The following PPM1B variants were observed in gnomAD, a reference collection of about 807,000 sequenced individuals.
PPM1B encodes protein phosphatase, Mg2+/Mn2+ dependent 1B, also known as protein phosphatase 1B.
A neutral mutation model predicts 43.0 loss-of-function variants in PPM1B; 22 were observed. The observed-to-expected ratio is 0.51, with a 90% confidence interval of 0.37 to 0.73. The LOEUF (loss-of-function observed/expected upper bound fraction) is 0.73, where lower values mean the gene tolerates loss of function less well. Among genes scored for constraint, PPM1B ranks in the 30% least tolerant of loss-of-function variants. The probability of loss-of-function intolerance (pLI) is 0.00; values close to 1 mark genes in which losing one functional copy is unlikely to be tolerated. For missense variants in PPM1B, 632 were observed against 584.2 expected, an observed-to-expected ratio of 1.08 and a Z score of -0.84; for synonymous variants, 217 against 197.9, an observed-to-expected ratio of 1.10 and a Z score of -0.81.
intron 2 of PPM1B, among the ~76,000 whole-genome samples, chr2:44,208,091 TGTTA>T (rs1669280287): frequency 6.6e-6 from 1 of 151,610 alleles, no homozygotes; most frequent in South Asian, 2.1e-4. Flanking sequence ...GGTTTCACCA[TGTTA>T]GTCAGGCTGG....
At chr2:44,203,938 A>G (rs1329981206) in intron 2 of PPM1B, among the ~76,000 whole-genome samples, 1 of 152,166 alleles carries the variant, frequency 6.6e-6, no homozygotes, top group Non-Finnish European at 1.5e-5. Context: ...GTATATCTTC[A>G]CTTGCTAGCT....
chr2:44,189,388 G>A (rs1337810350), intron 1 of PPM1B, among the ~76,000 whole-genome samples: 2 of 152,146 alleles, frequency 1.3e-5, no homozygotes, highest in Non-Finnish European at 2.9e-5. Context: ...ATCTGTGAAC[G>A]TACTATGAGT....
At chr2:44,193,089 A>G (rs1394788498) in intron 1 of PPM1B, among the ~76,000 whole-genome samples, 2 of 152,246 alleles carry the variant, frequency 1.3e-5, no homozygotes, top group African/African-American at 2.4e-5. Flanking sequence ...ATATACCCAG[A>G]AGTGGGATTG....
downstream of PPM1B, chr2:44,234,651 C>G (rs762954657): frequency 1.3e-4 from 123 of 979,472 alleles, no homozygotes; most frequent in Non-Finnish European, 1.5e-4. Context: ...TCTGAATTTC[C>G]TAGCCTGGCT....
chr2:44,214,748 A>T (rs1669643530), intron 3 of PPM1B, among the ~76,000 whole-genome samples: 1 of 152,166 alleles, frequency 6.6e-6, no homozygotes. Context: ...ACTGAGCAGG[A>T]TTCTCATTCA....
At chr2:44,202,101 G>C (rs886881668) in intron 2 of PPM1B, 56 bp downstream of exon 2, 24 of 1,424,940 alleles carry the variant, frequency 1.7e-5, no homozygotes, top group Non-Finnish European at 1.8e-5. Flanking sequence ...AGTTACGGTA[G>C]GTAAAGTTAA....
At chr2:44,187,346 G>A (rs182777047) in intron 1 of PPM1B, among the ~76,000 whole-genome samples, 1 of 152,302 alleles carries the variant, frequency 6.6e-6, no homozygotes, top group Admixed American at 6.5e-5. Context: ...CCTCTTGGCT[G>A]TTATGCATAA....
At chr2:44,208,582 C>T (rs1340969821) in intron 2 of PPM1B, among the ~76,000 whole-genome samples, 2 of 151,978 alleles carry the variant, frequency 1.3e-5, no homozygotes, top group Non-Finnish European at 2.9e-5. Context: ...GCCTGGTGGC[C>T]GTCACCTGTA....
At chr2:44,174,976 T>G (rs1469862235) in intron 1 of PPM1B, among the ~76,000 whole-genome samples, 1 of 152,154 alleles carries the variant, frequency 6.6e-6, no homozygotes, top group Non-Finnish European at 1.5e-5. Flanking sequence ...AGGACATGAC[T>G]GGGCCTGGTG....
In PPM1B at chr2:44,195,510, C is replaced by T. The variant is rs371446704; in HGVS notation, c.-14-5676C>T. Among the ~76,000 whole-genome samples, 13 of 152,198 alleles carry T rather than the reference C, an allele frequency of 8.5e-5. No individual in the cohort carries two copies. The East Asian group carries it at 1.7e-3, about 20-fold the overall frequency. On this transcript the variant is annotated intron_variant, in intron 1 of 5. Transcript: ENST00000282412. ...CCAGGCATGAGCCACCATGCCCAGC[C>T]CAGACATGTATTAAAACTACCAAAC...
At chr2:44,171,829 CAAAA>C (rs58214419) in intron 1 of PPM1B, among the ~76,000 whole-genome samples, 7 of 118,770 alleles carry the variant, frequency 5.9e-5, no homozygotes, top group South Asian at 2.6e-4. Context: ...GACTCTGTCT[CAAAA>C]AAAAAAAAAA....
chr2:44,246,213 A>C (rs1670851389), downstream of PPM1B, among the ~76,000 whole-genome samples: 1 of 152,110 alleles, frequency 6.6e-6, no homozygotes, highest in Admixed American at 6.6e-5. Flanking sequence ...ATTCTCATTA[A>C]TACTTTTCTG....
chr2:44,169,055 G>T lies in PPM1B; in HGVS notation c.-234G>T. On this transcript the variant is annotated 5_prime_UTR_variant, in exon 1 of 6. Transcript: ENST00000282412. ...AGGCTGCGGCGGAGGAGGTGGCGGC[G>T]GCCGAATCGGCAACGGCGCTAGGGT... The T allele has an allele frequency of 5.9e-6, 1 of 168,178 alleles. No homozygotes were observed. The highest frequency in any genetic ancestry group is 1.3e-5 in the Non-Finnish European group (1 of 78,010). 10.4% of individuals were successfully genotyped at this position (168,178 alleles called of 1,614,324 possible).
intron 1 of PPM1B, among the ~76,000 whole-genome samples, chr2:44,173,383 A>T (rs1053840038): frequency 6.6e-6 from 1 of 152,150 alleles, no homozygotes; most frequent in East Asian, 1.9e-4. Context: ...TAACTTATAT[A>T]CTTTTTTTCT....
At chr2:44,186,886 C>T (rs1668150747) in intron 1 of PPM1B, among the ~76,000 whole-genome samples, 2 of 152,064 alleles carry the variant, frequency 1.3e-5, no homozygotes, top group Admixed American at 6.5e-5. Flanking sequence ...AATTGTAGTA[C>T]AAAAAGCACA....
Position 44,241,160 on chromosome 2 carries a change from C to T in PPM1B, n.1547-3068C>T, listed in dbSNP as rs536259974. On this transcript the variant is annotated intron_variant and non_coding_transcript_variant, in intron 5 of 5. Transcript: ENST00000378540. Reference sequence around the variant, plus strand: ...CTGGGATTACAGGAATGCGTCACCACGCCCGGCTGATTTTGTATTTTCAGT... The same window carrying T: ...CTGGGATTACAGGAATGCGTCACCATGCCCGGCTGATTTTGTATTTTCAGT... Among the ~76,000 whole-genome samples the T allele has an allele frequency of 6.9e-4, 99 of 143,594 alleles. 9 individuals carry two copies. The highest frequency in any genetic ancestry group is 4.8e-3 in the Admixed American group (70 of 14,468). The allele number at this position is 143,594 out of a possible 152,430, so 94.2% of individuals were successfully genotyped here. A position where few individuals can be genotyped will look rare whatever the true frequency, so the allele number is the denominator to read the frequency against.
chr2:44,210,370 C>T (rs1384547274), intron 3 of PPM1B, among the ~76,000 whole-genome samples: 3 of 152,044 alleles, frequency 2.0e-5, no homozygotes, highest in Non-Finnish European at 2.9e-5. Context: ...AGGCACGTGC[C>T]ACCACAGCTG....
In PPM1B at chr2:44,201,714, G is replaced by A. The variant is rs768710585; in HGVS notation, c.515G>A (p.Cys172Tyr). The A allele has an allele frequency of 2.5e-6, 4 of 1,614,192 alleles. No individual in the cohort carries two copies. Among genetic ancestry groups the A allele is most frequent in the Non-Finnish European group, 3.4e-6 (4 of 1,180,020 alleles). Residue 172 changes from cysteine to tyrosine, a missense_variant, in exon 2 of 6, where the codon TGC becomes TAC. Cys to Tyr is a radical substitution (Grantham distance 194, BLOSUM62 -2). Around this residue, in one of 3 missense-constraint regions of PPM1B, gnomAD observed 40 missense variants for 80.8 expected, o/e 0.50. Transcript: ENST00000282412. This position sits in a 1 kb window ranked among gnomAD's most constrained non-coding sequence, Gnocchi z 5.4. ...TTTTCTACCCAGGATCACAAACCTT[G>A]CAATCCAAGGGAAAAGGAGCGAATC... ...VCFSTQDHKP[C>Y]NPREKERIQN...
At chr2:44,235,835 G>A (rs1238633543), downstream of PPM1B, among the ~76,000 whole-genome samples, 1 of 151,926 alleles carries the variant, frequency 6.6e-6, no homozygotes, top group Non-Finnish European at 1.5e-5. Context: ...GGAGTTCAAG[G>A]CTGCAGTGAG....
Sources: gnomAD v4.1 joint callset for allele counts (sites outside exome capture counted in the v4.1 genomes callset) on GRCh38, gnomAD v4.1.1 for gene constraint, gnomAD v4.1.1 regional missense constraint, Gnocchi (gnomAD v3.1) non-coding constraint, MANE v1.5 for transcripts, NCBI Gene and HGNC (gene_info 2026-07-23, HGNC 2026-07-21) for gene names.